The following PLGRKT variants were observed in gnomAD, a reference collection of about 807,000 sequenced individuals.
The protein encoded by PLGRKT is plasminogen receptor with a C-terminal lysine.
Under a neutral mutation model 18.5 loss-of-function variants are expected in PLGRKT, and 22 were observed. The observed-to-expected ratio is 1.19, with a 90% confidence interval of 0.85 to 1.70. The LOEUF (loss-of-function observed/expected upper bound fraction) is 1.70. Among genes scored for constraint, PLGRKT ranks in the 40% most tolerant of loss-of-function variants. PLGRKT has a pLI of 0.00. For synonymous variants in PLGRKT, 72 were observed against 52.8 expected, an observed-to-expected ratio of 1.36 and a Z score of -1.58; for missense variants, 235 against 174.4, an observed-to-expected ratio of 1.35 and a Z score of -1.96.
At chr9:5,381,390 C>T (rs1817742896) in intron 3 of PLGRKT, among the ~76,000 whole-genome samples, 1 of 152,202 alleles carries the variant, frequency 6.6e-6, no homozygotes, top group African/African-American at 2.4e-5. Context: ...TAAAAAGGGC[C>T]AAGGTACAGC....
intron 3 of PLGRKT, among the ~76,000 whole-genome samples, chr9:5,373,784 G>T (rs916865921): frequency 6.7e-6 from 1 of 149,414 alleles, no homozygotes; most frequent in Non-Finnish European, 1.5e-5. Flanking sequence ...TTTCAAAAAA[G>T]AAAAAGAAGA....
chr9:5,408,773 G>C (rs1242723202), intron 3 of PLGRKT, among the ~76,000 whole-genome samples: 5 of 152,206 alleles, frequency 3.3e-5, no homozygotes, highest in African/African-American at 7.2e-5. Context: ...AGGCCTAAGA[G>C]GACAGAATGG....
At chr9:5,427,837 G>A (rs377576021) in intron 3 of PLGRKT, among the ~76,000 whole-genome samples, 4 of 152,234 alleles carry the variant, frequency 2.6e-5, no homozygotes, top group Non-Finnish European at 5.9e-5. Context: ...GTTACAGGAC[G>A]TGAGAAGATT....
Position 5,414,071 on chromosome 9 carries a change from C to T in PLGRKT, c.81+17826G>A, listed in dbSNP as rs76093233. 9.7e-4 allele frequency among the ~76,000 whole-genome samples: 148 copies of T among 152,206 alleles called. 4 individuals carry two copies. In the East Asian group the frequency reaches 0.02, roughly 20 times the overall value. ...GATTTATCTTGGTTAAGAGATTAAACACCTATAGAGGAAGGGTGGGAACAG... is the reference window on the plus strand; with the variant it reads ...GATTTATCTTGGTTAAGAGATTAAATACCTATAGAGGAAGGGTGGGAACAG... On this transcript the variant is annotated intron_variant, in intron 3 of 5. Coordinates refer to ENST00000223864, the MANE Select transcript of PLGRKT (RefSeq NM_018465.4).
At chr9:5,375,500 A>C (rs751049355) in intron 3 of PLGRKT, among the ~76,000 whole-genome samples, 19 of 152,212 alleles carry the variant, frequency 1.2e-4, no homozygotes, top group Non-Finnish European at 2.2e-4. Flanking sequence ...TACCAAATGA[A>C]ATAATAAATA....
chr9:5,397,136 G>C lies in PLGRKT; in HGVS notation c.81+34761C>G, dbSNP rs992815124. On this transcript the variant is annotated intron_variant, in intron 3 of 5. Coordinates refer to ENST00000223864, the MANE Select transcript of PLGRKT (RefSeq NM_018465.4). ...AGTATGAATGCGAAGGCTACAAAACGAAATTGTAGGCTTCCTACTAGTGGC... is the reference window on the plus strand; with the variant it reads ...AGTATGAATGCGAAGGCTACAAAACCAAATTGTAGGCTTCCTACTAGTGGC... Among the ~76,000 whole-genome samples the C allele has an allele frequency of 5.3e-5, 8 of 151,912 alleles. 1 individual carries two copies. The highest frequency in any genetic ancestry group is 1.9e-4 in the African/African-American group (8 of 41,200).
At chr9:5,429,146 C>T (rs1054885022) in intron 3 of PLGRKT, among the ~76,000 whole-genome samples, 1 of 152,248 alleles carries the variant, frequency 6.6e-6, no homozygotes. Flanking sequence ...TCTCCCTACC[C>T]ACTACATACA....
At chr9:5,382,639 G>C (rs367977746) in intron 3 of PLGRKT, among the ~76,000 whole-genome samples, 1 of 152,228 alleles carries the variant, frequency 6.6e-6, no homozygotes, top group Non-Finnish European at 1.5e-5. Context: ...GTTAGACTTC[G>C]TGGGGAGCCA....
At chr9:5,380,415 T>A (rs1279228362) in intron 3 of PLGRKT, among the ~76,000 whole-genome samples, 1 of 151,466 alleles carries the variant, frequency 6.6e-6, no homozygotes, top group East Asian at 1.9e-4. Flanking sequence ...CTAATATTTA[T>A]CCTGTATTGT....
intron 3 of PLGRKT, among the ~76,000 whole-genome samples, chr9:5,395,459 C>G (rs1318657130): frequency 6.6e-6 from 1 of 151,790 alleles, no homozygotes; most frequent in African/African-American, 2.4e-5. Flanking sequence ...GTAGTTCTGA[C>G]CATTGATGTA....
At chr9:5,388,775 T>C (rs1817892487) in intron 3 of PLGRKT, among the ~76,000 whole-genome samples, 1 of 152,080 alleles carries the variant, frequency 6.6e-6, no homozygotes, top group Non-Finnish European at 1.5e-5. Context: ...CTCTCTGTGC[T>C]TCAGTTTCCT....
chr9:5,369,515 A>C (rs1586703334), intron 3 of PLGRKT, among the ~76,000 whole-genome samples: 1 of 152,132 alleles, frequency 6.6e-6, no homozygotes, highest in Non-Finnish European at 1.5e-5. Context: ...TAGTTCAACC[A>C]TTGTGGAAGA....
intron 4 of PLGRKT, 115 bp downstream of exon 4, chr9:5,361,643 G>C (rs763499296): frequency 9.4e-5 from 88 of 931,410 alleles, no homozygotes; most frequent in Non-Finnish European, 1.1e-4. Flanking sequence ...AGGTTACTTT[G>C]GTTACATACA....
At chr9:5,401,095 T>G (rs1365708992) in intron 3 of PLGRKT, among the ~76,000 whole-genome samples, 2 of 151,922 alleles carry the variant, frequency 1.3e-5, no homozygotes, top group Non-Finnish European at 2.9e-5. Context: ...CTGGCCTTAA[T>G]TATTACTATT....
intron 5 of PLGRKT, 28 bp from the exon 6 acceptor site, chr9:5,358,388 G>C (rs1421690487): frequency 6.2e-7 from 1 of 1,609,334 alleles, no homozygotes; most frequent in Admixed American, 1.7e-5. Context: ...AATACACAAG[G>C]TGACAAAGGG....
At chr9:5,433,630 G>A (rs1281775424) in intron 2 of PLGRKT, among the ~76,000 whole-genome samples, 1 of 147,788 alleles carries the variant, frequency 6.8e-6, no homozygotes, top group Non-Finnish European at 1.5e-5. Flanking sequence ...GGGATGTGAG[G>A]AGCGCCTTGG....
chr9:5,386,420 T>C (rs964518848), intron 3 of PLGRKT, among the ~76,000 whole-genome samples: 2 of 151,822 alleles, frequency 1.3e-5, no homozygotes, highest in African/African-American at 2.4e-5. Flanking sequence ...TTGTCACAAT[T>C]GAAGTATGCT....
At chr9:5,403,207 C>G (rs1430656138) in intron 3 of PLGRKT, among the ~76,000 whole-genome samples, 1 of 149,768 alleles carries the variant, frequency 6.7e-6, no homozygotes, top group South Asian at 2.1e-4. Flanking sequence ...GTTGAGGTTG[C>G]TAAATGATTC....
chr9:5,392,108 A>G (rs1223691020), intron 3 of PLGRKT, among the ~76,000 whole-genome samples: 3 of 151,926 alleles, frequency 2.0e-5, no homozygotes, highest in African/African-American at 7.3e-5. Flanking sequence ...ACTGGGACAA[A>G]TTGAGTTTTC....
Sources: gnomAD v4.1 joint callset for allele counts (sites outside exome capture counted in the v4.1 genomes callset) on GRCh38, gnomAD v4.1.1 for gene constraint, MANE v1.5 for transcripts, NCBI Gene and HGNC (gene_info 2026-07-23, HGNC 2026-07-21) for gene names.